TUT7: variants seen among roughly 807,000 people sequenced by gnomAD.
TUT7 encodes terminal uridylyltransferase 7.
Under a neutral mutation model 165.9 loss-of-function variants are expected in TUT7, and 33 were observed. The ratio of observed to expected loss-of-function variants is 0.20; its 90% CI spans 0.15 to 0.27. The LOEUF (loss-of-function observed/expected upper bound fraction) is 0.27, where lower values mean the gene tolerates loss of function less well. TUT7 is among the 10% of genes least tolerant of loss of function. The pLI is 1.00. For synonymous variants in TUT7, 552 were observed against 608.1 expected (o/e 0.91, Z 1.36); for missense variants, 1,338 against 1,762.3 (o/e 0.76, Z 4.31).
At chr9:86,307,503 G>A (rs920549465) in intron 22 of TUT7, among the ~76,000 whole-genome samples, 4 of 152,002 alleles carry the variant, frequency 2.6e-5, no homozygotes, top group Admixed American at 6.6e-5. Context: ...AGAATAGTAC[G>A]TATTATTTAT....
At chr9:86,340,965 A>G (rs1831272257) in intron 7 of TUT7, 37 bp downstream of exon 7, 2 of 1,514,192 alleles carry the variant, frequency 1.3e-6, no homozygotes, top group African/African-American at 2.8e-5. Context: ...AATTATAGAC[A>G]ACATAAAAAT....
chr9:86,292,257 A>T (rs923936195), intron 26 of TUT7, among the ~76,000 whole-genome samples: 4 of 152,168 alleles, frequency 2.6e-5, no homozygotes, highest in African/African-American at 9.7e-5. Context: ...TAATTTAAAA[A>T]TTCACCAAGG....
intron 10 of TUT7, among the ~76,000 whole-genome samples, chr9:86,336,639 T>G (rs1369886634): frequency 6.6e-6 from 1 of 152,204 alleles, no homozygotes; most frequent in African/African-American, 2.4e-5. Context: ...TTAAGAAAAG[T>G]AGTTACAATA....
rs201306794 is a variant in TUT7 at position 86,301,431 on chromosome 9, C to A, written c.4265G>T (p.Arg1422Leu). The change falls in exon 26 of 27, where the codon CGG becomes CTG. Residue 1422 changes from arginine to leucine, a missense_variant. By Grantham distance (102) the Arg-to-Leu change is moderately radical. Coordinates refer to ENST00000375963, the MANE Select transcript of TUT7 (RefSeq NM_024617.4). ...CTCCCTCCCCAGGTCAGCAGCTGCC[C>A]GCATTGGCTTGGCTTTCTGAGGTGT... ...QCTPQKAKPM[R>L]AAADLGREKI... is the part of the protein sequence containing the mutation. 3 of 1,614,120 alleles carry A rather than the reference C, an allele frequency of 1.9e-6. No homozygotes were observed. Among genetic ancestry groups the A allele is most frequent in the Admixed American group, 3.3e-5 (2 of 60,006 alleles).
At chr9:86,346,178 G>T (rs1443819270) in intron 3 of TUT7, 121 bp downstream of exon 3, 2 of 898,824 alleles carry the variant, frequency 2.2e-6, no homozygotes. Flanking sequence ...AACTTGTAGT[G>T]CTTAAATACT....
chr9:86,337,637 AT>A, intron 9 of TUT7, 99 bp from the exon 10 acceptor site: 1 of 1,363,738 alleles, frequency 7.3e-7, no homozygotes, highest in Non-Finnish European at 1.0e-6. Flanking sequence ...TGTTTACTAC[AT>A]GATTTACGGT....
rs1177356557 is a variant in TUT7 at position 86,301,183 on chromosome 9, G to T, written c.4420+93C>A. On this transcript the variant is annotated intron_variant, in intron 26 of 26. Coordinates refer to ENST00000375963, the MANE Select transcript of TUT7 (RefSeq NM_024617.4). ...TTTTTTGAGTAAATATATTGATAAA[G>T]AAATAAAGATAACTAAAATAGTAAA... 6 of 1,142,732 alleles carry T rather than the reference G, an allele frequency of 5.3e-6. No homozygotes were observed. In the East Asian group the frequency reaches 1.3e-4, roughly 24 times the overall value. The allele number at this position is 1,142,732 out of a possible 1,614,324, so 70.8% of individuals were successfully genotyped here.
chr9:86,322,715 T>TA (rs1345417414), intron 13 of TUT7, among the ~76,000 whole-genome samples, 158 bp downstream of exon 13: 15 of 152,134 alleles, frequency 9.9e-5, no homozygotes, highest in Admixed American at 9.8e-4. Context: ...CCATGAGTCT[T>TA]AAGGAGAAAA....
At chr9:86,303,223 A>G in intron 24 of TUT7, 22 bp from the exon 25 acceptor site, 1 of 1,387,204 alleles carries the variant, frequency 7.2e-7, no homozygotes, top group South Asian at 1.2e-5. Flanking sequence ...TAAATATATA[A>G]AAGCCTGAAC....
intron 16 of TUT7, 115 bp from the exon 17 acceptor site, chr9:86,317,391 C>A: frequency 1.1e-6 from 1 of 898,146 alleles, no homozygotes. Flanking sequence ...CAGTCTATAT[C>A]TATTTTTTTC....
intron 26 of TUT7, among the ~76,000 whole-genome samples, chr9:86,289,780 T>G (rs2131245495): frequency 6.6e-6 from 1 of 152,278 alleles, no homozygotes; most frequent in South Asian, 2.1e-4. Context: ...AACTATCAAT[T>G]TTTGGTTGCC....
rs370276327 is a variant in TUT7 at position 86,352,787 on chromosome 9, T to A, written c.413A>T (p.Asp138Val). The A allele has an allele frequency of 6.2e-7, 1 of 1,614,148 alleles. No individual in the cohort carries two copies. Among genetic ancestry groups the A allele is most frequent in the African/African-American group, 1.3e-5 (1 of 75,034 alleles). The change falls in exon 2 of 27, where the codon GAT (aspartate) becomes GTT (valine). Residue 138 changes from aspartate (D) to valine (V), a missense_variant. Around this residue, in one of 7 missense-constraint regions of TUT7, gnomAD observed 434 missense variants for 480.8 expected, o/e 0.90. Transcript: ENST00000375963. Reference sequence around the variant, plus strand: ...TCTTGTGTCTTGCCACCTATAACCATCTTCATTTTCTTGAAAGGAGTCTTT... The same window carrying A: ...TCTTGTGTCTTGCCACCTATAACCAACTTCATTTTCTTGAAAGGAGTCTTT... Reference protein sequence around the residue: ...QRKDSFQENEDGYRWQDTRGC... With the variant: ...QRKDSFQENEVGYRWQDTRGC...
intron 2 of TUT7, among the ~76,000 whole-genome samples, chr9:86,346,827 TTAAAA>T (rs1831811324): frequency 6.6e-6 from 1 of 152,200 alleles, no homozygotes; most frequent in Non-Finnish European, 1.5e-5. Flanking sequence ...TTCTATTATA[TTAAAA>T]TATTACAATA....
At chr9:86,347,012 G>C (rs946201605) in intron 2 of TUT7, among the ~76,000 whole-genome samples, 2 of 152,114 alleles carry the variant, frequency 1.3e-5, no homozygotes, top group African/African-American at 4.8e-5. Context: ...CTCATCTGGA[G>C]TGAAAAATCA....
chr9:86,296,259 G>C (rs1192096966), intron 26 of TUT7, among the ~76,000 whole-genome samples: 1 of 152,218 alleles, frequency 6.6e-6, no homozygotes, highest in Non-Finnish European at 1.5e-5. Context: ...CAGAGAGGTT[G>C]CATAACTTGA....
chr9:86,308,737 T>C (rs1827755129), intron 21 of TUT7, 131 bp from the exon 22 acceptor site: 3 of 724,688 alleles, frequency 4.1e-6, no homozygotes, highest in Non-Finnish European at 6.5e-6. Context: ...AACTTTTCTT[T>C]CATATTTAAA....
intron 10 of TUT7, among the ~76,000 whole-genome samples, chr9:86,334,678 C>CT (rs1425187265): frequency 3.3e-5 from 5 of 152,254 alleles, no homozygotes; most frequent in South Asian, 2.1e-4. Flanking sequence ...TCATGCCAAA[C>CT]TAAACTGGTT....
intron 1 of TUT7, 45 bp from the exon 2 acceptor site, chr9:86,353,275 T>C (rs1042106845): frequency 2.1e-6 from 3 of 1,432,288 alleles, no homozygotes; most frequent in African/African-American, 1.4e-5. Context: ...TATAACAAGA[T>C]ATCATACAAG....
Position 86,288,702 on chromosome 9 carries a change from G to C in TUT7, c.4463C>G (p.Ala1488Gly). Residue 1488 changes from alanine to glycine, a missense_variant, in exon 27 of 27, where the codon GCG (alanine) becomes GGG (glycine). Around this residue, in one of 7 missense-constraint regions of TUT7, gnomAD observed 167 missense variants for 204.9 expected, o/e 0.82. Coordinates refer to ENST00000375963, the MANE Select transcript of TUT7 (RefSeq NM_024617.4). ...SKYMTQGKASAKRTQQES is the reference protein window; with the variant it reads ...SKYMTQGKASGKRTQQES The stretch of plus-strand genomic sequence containing the variant: ...TCATGATTCCTGCTGGGTCCTCTTC[G>C]CTGAGGCTTTTCCCTGAGTCATATA... 1 of 1,613,642 alleles carries C rather than the reference G, an allele frequency of 6.2e-7. No homozygotes were observed. The highest frequency in any genetic ancestry group is 1.1e-5 in the South Asian group (1 of 91,034).
Sources: gnomAD v4.1 joint callset for allele counts (sites outside exome capture counted in the v4.1 genomes callset) on GRCh38, gnomAD v4.1.1 for gene constraint, gnomAD v4.1.1 regional missense constraint, MANE v1.5 for transcripts, NCBI Gene and HGNC (gene_info 2026-07-23, HGNC 2026-07-21) for gene names.